Variants in ZFHX3 observed in about 807,000 individuals in gnomAD.
ZFHX3 encodes the protein zinc finger homeobox protein 3.
In ZFHX3, 42 loss-of-function variants were observed where a neutral mutation model predicts 279.1. The observed-to-expected ratio is 0.15, with a 90% confidence interval of 0.12 to 0.19. ZFHX3 has a LOEUF of 0.19. Among genes scored for constraint, ZFHX3 ranks in the 10% least tolerant of loss-of-function variants. The pLI is 1.00. For missense variants in ZFHX3, 4,981 were observed against 4,754.0 expected (o/e 1.05, Z -1.40); for synonymous variants, 2,293 against 1,957.8 (o/e 1.17, Z -4.52).
At chr16:73,410,457 G>A (rs1425385649) in intron 3 of ZFHX3, among the ~76,000 whole-genome samples, 2 of 152,134 alleles carry the variant, frequency 1.3e-5, no homozygotes, top group Non-Finnish European at 2.9e-5. Context: ...ACAAGAGTAC[G>A]ATTGAATTGT....
chr16:73,275,741 C>A (rs2014279010), intron 4 of ZFHX3, among the ~76,000 whole-genome samples: 1 of 152,204 alleles, frequency 6.6e-6, no homozygotes. Context: ...GATGCTGAAT[C>A]ATGAAGGGAG....
intron 1 of ZFHX3, among the ~76,000 whole-genome samples, chr16:72,994,482 G>A (rs1963206902): frequency 1.3e-5 from 2 of 152,178 alleles, no homozygotes; most frequent in Admixed American, 1.3e-4. Context: ...GTACCAATGG[G>A]ACTTAGAGTG....
chr16:73,032,021 G>A (rs1964722501), intron 1 of ZFHX3, among the ~76,000 whole-genome samples: 1 of 152,178 alleles, frequency 6.6e-6, no homozygotes, highest in Non-Finnish European at 1.5e-5. Context: ...TACTCTAGTA[G>A]GGAGAAAATA....
Position 73,263,158 on chromosome 16 carries a change from A to G in ZFHX3, c.-1193-6022T>C, listed in dbSNP as rs980126975. Among the ~76,000 whole-genome samples the G allele has an allele frequency of 3.3e-5, 5 of 152,108 alleles. No homozygotes were observed. The East Asian group carries it at 7.7e-4, about 24-fold the overall frequency. The stretch of plus-strand genomic sequence containing the variant: ...CAAACCCAATGATAGCCTCTTTTCA[A>G]TGAAACTACATTTACAATTCACTTT... On this transcript the variant is annotated intron_variant, in intron 4 of 17. Transcript: ENST00000641206.
At chr16:73,560,266 A>G (rs66880455) in intron 2 of ZFHX3, among the ~76,000 whole-genome samples, 13,903 of 152,222 alleles carry the variant, frequency 0.091, 826 homozygotes, top group Admixed American at 0.15. Context: ...ATATCACACT[A>G]AAAATCCAGA....
rs187264104 is a variant in ZFHX3 at position 73,852,085 on chromosome 16, T to A, written c.-1608+39566A>T. ...TTCATAATTATCTGAGACTATAACC[T>A]AAATACTTTCACATGTAAGCAAATG... On this transcript the variant is annotated intron_variant, in intron 1 of 17. Coordinates refer to the ZFHX3 transcript ENST00000641206. 3.9e-5 allele frequency among the ~76,000 whole-genome samples: 6 copies of A among 152,354 alleles called. 1 individual carries two copies. In the East Asian group the frequency reaches 1.2e-3, roughly 29 times the overall value.
chr16:73,434,519 G>T (rs949740294), intron 3 of ZFHX3, among the ~76,000 whole-genome samples: 1 of 152,276 alleles, frequency 6.6e-6, no homozygotes, highest in East Asian at 1.9e-4. Flanking sequence ...AGGCTTTAAT[G>T]ATGTATTTTA....
chr16:73,831,460 G>A (rs1047780627), intron 1 of ZFHX3, among the ~76,000 whole-genome samples: 1 of 151,300 alleles, frequency 6.6e-6, no homozygotes, highest in African/African-American at 2.4e-5. Flanking sequence ...AATGACAGCT[G>A]GAAGAGTGAG....
At chr16:73,594,443 C>A (rs2052028431) in intron 2 of ZFHX3, among the ~76,000 whole-genome samples, 1 of 151,994 alleles carries the variant, frequency 6.6e-6, no homozygotes, top group East Asian at 1.9e-4. Context: ...AAATCGCAAG[C>A]AATAGAGATT....
Position 72,787,927 on chromosome 16 carries a change from T to G in ZFHX3, c.10349A>C (p.Asp3450Ala), listed in dbSNP as rs2035506202. The G allele has an allele frequency of 1.9e-6, 3 of 1,613,390 alleles. No individual in the cohort carries two copies. The highest frequency in any genetic ancestry group is 1.1e-5 in the South Asian group (1 of 91,030). The change falls in exon 10 of 10, where the codon GAC becomes GCC. Residue 3450 changes from aspartate to alanine, a missense_variant. Coordinates refer to ENST00000268489, the MANE Select transcript of ZFHX3 (RefSeq NM_006885.4). ...AACAATGAAGGGGTCGTAGAGGGAG[T>G]CCGCACTTTTGCTTTCTGCTTCTGG... ...EEPEAESKSADSLYDPFIVPK... is the reference protein window; with the variant it reads ...EEPEAESKSAASLYDPFIVPK...
chr16:73,401,502 C>G (rs1404737477), intron 3 of ZFHX3: 2 of 151,962 alleles, frequency 1.3e-5, no homozygotes, highest in African/African-American at 2.4e-5. Context: ...GAGGTTCTCT[C>G]TCTGTTCCCT....
At chr16:73,366,970 T>C (rs2016541565) in intron 3 of ZFHX3, among the ~76,000 whole-genome samples, 1 of 152,150 alleles carries the variant, frequency 6.6e-6, no homozygotes, top group Non-Finnish European at 1.5e-5. Flanking sequence ...CAAATGATTT[T>C]TGTGCGGGCC....
At chr16:73,700,675 C>A (rs1393827327) in intron 1 of ZFHX3, among the ~76,000 whole-genome samples, 6 of 152,062 alleles carry the variant, frequency 3.9e-5, no homozygotes, top group Non-Finnish European at 7.4e-5. Flanking sequence ...AAAACACATG[C>A]CATTAAAAGT....
At chr16:73,382,303 C>T (rs935028138) in intron 3 of ZFHX3, among the ~76,000 whole-genome samples, 3 of 152,126 alleles carry the variant, frequency 2.0e-5, no homozygotes, top group East Asian at 3.9e-4. Context: ...AACTTTTATA[C>T]GACGAAGATG....
intron 2 of ZFHX3, among the ~76,000 whole-genome samples, chr16:73,604,458 C>G (rs1373846352): frequency 2.6e-5 from 4 of 152,074 alleles, no homozygotes; most frequent in African/African-American, 7.2e-5. Flanking sequence ...GTTAAAATGT[C>G]CCATGGGCCA....
At chr16:72,802,317 T>C (rs2036127403) in intron 7 of ZFHX3, among the ~76,000 whole-genome samples, 1 of 152,142 alleles carries the variant, frequency 6.6e-6, no homozygotes, top group South Asian at 2.1e-4. Flanking sequence ...CTCTGTTGTC[T>C]CGCTGCGACT....
At chr16:73,146,440 A>C (rs1348932195) in intron 5 of ZFHX3, among the ~76,000 whole-genome samples, 3 of 151,790 alleles carry the variant, frequency 2.0e-5, no homozygotes, top group Non-Finnish European at 4.4e-5. Flanking sequence ...AGAAAAAAAA[A>C]AAAGATCTTC....
At chr16:73,798,451 GGAGA>G (rs1567414086) in intron 1 of ZFHX3, among the ~76,000 whole-genome samples, 1 of 151,904 alleles carries the variant, frequency 6.6e-6, no homozygotes, top group Non-Finnish European at 1.5e-5. Context: ...AAAAGGAAAA[GGAGA>G]GAGGAGAGAT....
chr16:73,227,439 A>G (rs192380911), intron 5 of ZFHX3, among the ~76,000 whole-genome samples: 2 of 152,340 alleles, frequency 1.3e-5, no homozygotes, highest in South Asian at 2.1e-4. Context: ...GGAAACTTCA[A>G]TTACCACCTT....
Sources: allele counts gnomAD v4.1 joint callset (sites outside exome capture counted in the v4.1 genomes callset), GRCh38; gene constraint gnomAD v4.1.1; transcripts MANE v1.5; gene names NCBI Gene and HGNC (gene_info 2026-07-23, HGNC 2026-07-21).